The following TOX variants were observed in gnomAD, a reference collection of about 807,000 sequenced individuals.
TOX encodes the protein thymocyte selection-associated high mobility group box protein TOX.
Under a neutral mutation model 53.7 loss-of-function variants are expected in TOX, and 11 were observed. The ratio of observed to expected loss-of-function variants is 0.20; its 90% CI spans 0.13 to 0.34. TOX has a LOEUF of 0.34. TOX is among the 10% of genes least tolerant of loss of function. TOX has a pLI of 1.00. For synonymous variants in TOX, 225 were observed against 245.3 expected (o/e 0.92, Z 0.77); for missense variants, 570 against 664.6 (o/e 0.86, Z 1.56).
chr8:58,811,427 TGCA>T (rs1563359127), intron 7 of TOX, among the ~76,000 whole-genome samples: 2 of 152,232 alleles, frequency 1.3e-5, no homozygotes, highest in African/African-American at 4.8e-5. Flanking sequence ...ATTAGATTTC[TGCA>T]GCCCTCGCAG....
intron 3 of TOX, among the ~76,000 whole-genome samples, chr8:58,868,786 A>T (rs1585869871): frequency 1.7e-5 from 1 of 60,480 alleles, no homozygotes; most frequent in South Asian, 6.4e-4. Flanking sequence ...AGAGCAATTT[A>T]AGCCTAAACC....
At chr8:58,832,215 T>C (rs1466535610) in intron 5 of TOX, among the ~76,000 whole-genome samples, 1 of 148,284 alleles carries the variant, frequency 6.7e-6, no homozygotes, top group Non-Finnish European at 1.5e-5. Context: ...ATATATGTAA[T>C]ATATATATAA....
chr8:58,960,670 T>C (rs1812783393), intron 1 of TOX, among the ~76,000 whole-genome samples: 1 of 152,338 alleles, frequency 6.6e-6, no homozygotes, highest in African/African-American at 2.4e-5. Context: ...TAGAAATTCA[T>C]ACGCAAATTT....
intron 6 of TOX, among the ~76,000 whole-genome samples, chr8:58,821,630 CCGTGCCACTCTTTGAGT>C: frequency 6.6e-6 from 1 of 152,126 alleles, no homozygotes; most frequent in Admixed American, 6.6e-5. Context: ...CTGGCAACCA[CCGTGCCACTCTTTGAGT>C]CTATGAAATT....
intron 1 of TOX, among the ~76,000 whole-genome samples, chr8:59,013,879 A>G (rs1375100017): frequency 6.6e-6 from 1 of 152,248 alleles, no homozygotes; most frequent in Non-Finnish European, 1.5e-5. Flanking sequence ...TATTTTGGTT[A>G]GAAAATTAAG....
chr8:59,100,705 T>A (rs1804791667), intron 1 of TOX, among the ~76,000 whole-genome samples: 1 of 152,126 alleles, frequency 6.6e-6, no homozygotes, highest in South Asian at 2.1e-4. Context: ...TTATGATGAA[T>A]CGGAACAAAA....
chr8:58,965,716 T>C (rs964087362), intron 1 of TOX, among the ~76,000 whole-genome samples: 2 of 152,096 alleles, frequency 1.3e-5, no homozygotes, highest in Non-Finnish European at 2.9e-5. Flanking sequence ...TCTGAAAGAA[T>C]ATTTGATACT....
At position 58,851,164 on chromosome 8, in the gene TOX, C is replaced by CTG. The variant is rs1810809772; in HGVS notation, c.693+359_693+360insCA. 7.0e-6 allele frequency among the ~76,000 whole-genome samples: 1 copy of CTG among 143,150 alleles called. No homozygotes were observed. The highest frequency in any genetic ancestry group is 2.7e-5 in the African/African-American group (1 of 36,412). The allele number at this position is 143,150 out of a possible 152,430, so 93.9% of individuals were successfully genotyped here. A position where few individuals can be genotyped will look rare whatever the true frequency, so the allele number is the denominator to read the frequency against. On this transcript the variant is annotated intron_variant, in intron 4 of 8. Transcript: ENST00000361421. This position sits in a 1 kb window ranked among gnomAD's most constrained non-coding sequence, Gnocchi z 4.4. The stretch of plus-strand genomic sequence containing the variant: ...ACATCTCCTCTCTCTCTCTGTCTCT[C>CTG]TCTCTCTCTCTCTCTCTCTCTCACA...
At chr8:58,987,630 GT>G (rs1813357675) in intron 1 of TOX, among the ~76,000 whole-genome samples, 1 of 152,198 alleles carries the variant, frequency 6.6e-6, no homozygotes, top group Admixed American at 6.5e-5. Context: ...TTCTCAATCA[GT>G]TTTAAGGTCA....
intron 5 of TOX, among the ~76,000 whole-genome samples, chr8:58,834,512 G>A (rs908203319): frequency 2.6e-5 from 4 of 152,184 alleles, no homozygotes; most frequent in African/African-American, 7.2e-5. Flanking sequence ...AGCTTGAAAC[G>A]GAGATATTAT....
chr8:58,987,963 C>T (rs2129417175), intron 1 of TOX, among the ~76,000 whole-genome samples: 1 of 152,316 alleles, frequency 6.6e-6, no homozygotes, highest in Admixed American at 6.5e-5. Flanking sequence ...AATGACATAA[C>T]TAGTTGAAAG....
At chr8:59,048,074 C>T (rs1257111753) in intron 1 of TOX, among the ~76,000 whole-genome samples, 3 of 152,100 alleles carry the variant, frequency 2.0e-5, no homozygotes, top group South Asian at 2.1e-4. Flanking sequence ...AAAACAAATA[C>T]GGTTTTCCTG....
chr8:58,936,507 C>T (rs990101411), intron 3 of TOX, among the ~76,000 whole-genome samples: 1 of 152,148 alleles, frequency 6.6e-6, no homozygotes, highest in Non-Finnish European at 1.5e-5. Context: ...CCTTTTCAAA[C>T]ATTGAGACCA....
chr8:58,926,962 C>A (rs1585905355), intron 3 of TOX, among the ~76,000 whole-genome samples: 1 of 152,142 alleles, frequency 6.6e-6, no homozygotes, highest in Non-Finnish European at 1.5e-5. Flanking sequence ...AATGGACCTA[C>A]AACTTTAGGT....
intron 3 of TOX, among the ~76,000 whole-genome samples, chr8:58,914,202 G>C (rs776529260): frequency 6.6e-6 from 1 of 152,168 alleles, no homozygotes; most frequent in Non-Finnish European, 1.5e-5. Context: ...GGTTGGTTTC[G>C]TCCTGCTGCT....
At position 58,889,244 on chromosome 8, in the gene TOX, GAAAACAAAATACCCTTA is replaced by G. The variant is rs561728928; in HGVS notation, c.412-37456_412-37440del. Among the ~76,000 whole-genome samples, 453 of 137,236 alleles carry G rather than the reference GAAAACAAAATACCCTTA, an allele frequency of 3.3e-3. 2 individuals carry two copies. The highest frequency in any genetic ancestry group is 0.012 in the African/African-American group (443 of 37,460). 90.0% of individuals were successfully genotyped at this position (137,236 alleles called of 152,430 possible). ...AAAAAAAAAAAAAACAAAAAACCCT[GAAAACAAAATACCCTTA>G]AACAGGATACTAGTTAATTGAATTA... On this transcript the variant is annotated intron_variant, in intron 3 of 8. Coordinates refer to ENST00000361421, the MANE Select transcript of TOX (RefSeq NM_014729.3).
intron 1 of TOX, among the ~76,000 whole-genome samples, chr8:59,054,980 G>C (rs562602335): frequency 7.7e-6 from 1 of 129,898 alleles, no homozygotes; most frequent in African/African-American, 4.1e-5. Context: ...AAGGGACGGA[G>C]GGAGGGAGGG....
intron 1 of TOX, among the ~76,000 whole-genome samples, chr8:59,008,751 C>T (rs543450773): frequency 3.3e-5 from 5 of 152,188 alleles, no homozygotes; most frequent in Admixed American, 6.5e-5. Flanking sequence ...CTGTCTGTGG[C>T]ATTTTCCATC....
In TOX at chr8:58,939,425, C is replaced by T. The variant is rs141132154; in HGVS notation, c.288G>A (p.Leu96=). ...GGCCATTATGGTTCATGGGGTGACA[C>T]AGAGAATGGTAACCAGACTCAACTT... is the stretch of plus-strand genomic sequence containing the variant. ...LNEVESGYHS[L]CHPMNHNGLL... The change falls in exon 3 of 9, where the codon CTG becomes CTA. Residue 96 remains leucine, a synonymous_variant. Coordinates refer to ENST00000361421, the MANE Select transcript of TOX (RefSeq NM_014729.3). 116 of 1,614,090 alleles carry T rather than the reference C, an allele frequency of 7.2e-5. No homozygotes were observed. The African/African-American group carries it at 1.3e-3, about 18-fold the overall frequency.
Sources: allele counts gnomAD v4.1 joint callset (sites outside exome capture counted in the v4.1 genomes callset), GRCh38; gene constraint gnomAD v4.1.1; non-coding constraint Gnocchi (gnomAD v3.1); transcripts MANE v1.5; gene names NCBI Gene and HGNC (gene_info 2026-07-23, HGNC 2026-07-21).